Variants in BRINP3 observed in about 807,000 individuals in gnomAD.
BRINP3 encodes the protein BMP/retinoic acid-inducible neural-specific protein 3.
A neutral mutation model predicts 71.0 loss-of-function variants in BRINP3; 19 were observed. The observed-to-expected ratio is 0.27, with a 90% CI of 0.19 to 0.39. BRINP3 has a LOEUF of 0.39. BRINP3 is among the 10% of genes least tolerant of loss of function. The pLI is 1.00. For missense variants in BRINP3, 959 were observed against 940.8 expected, an observed-to-expected ratio of 1.02 and a Z score of -0.25; for synonymous variants, 380 against 337.7, an observed-to-expected ratio of 1.13 and a Z score of -1.37.
chr1:190,231,638 C>T (rs1025744955), intron 5 of BRINP3, among the ~76,000 whole-genome samples: 6 of 151,672 alleles, frequency 4.0e-5, no homozygotes, highest in Non-Finnish European at 5.9e-5. Context: ...TATGCATTTG[C>T]CAATATTTTC....
chr1:190,459,949 CCTGT>C (rs1558306656), intron 1 of BRINP3, among the ~76,000 whole-genome samples: 2 of 151,206 alleles, frequency 1.3e-5, no homozygotes, highest in Non-Finnish European at 3.0e-5. Flanking sequence ...TTTCTCTTTC[CCTGT>C]CTCTCTCCCT....
At position 190,099,134 on chromosome 1, in the gene BRINP3, T is replaced by C. The variant is rs759653868; in HGVS notation, c.1185A>G (p.Arg395=). Residue 395 remains arginine (R), a splice_region_variant and synonymous_variant, in exon 8 of 8, where the codon AGA becomes AGG. Transcript: ENST00000367462. ...KQPLISLPRQ[R]TSTYWLTRIQ... is the part of the protein sequence containing the mutation. ...TGCGAGTAAGCCAGTAGGTTGAGGT[T>C]CTAGAAATACAAAACAGAACGAATC... 4 of 1,611,832 alleles carry C rather than the reference T, an allele frequency of 2.5e-6. No homozygotes were observed. In the African/African-American group the frequency reaches 4.0e-5, roughly 16 times the overall value.
At chr1:190,305,459 C>A (rs562974379) in intron 2 of BRINP3, among the ~76,000 whole-genome samples, 1 of 151,668 alleles carries the variant, frequency 6.6e-6, no homozygotes, top group East Asian at 1.9e-4. Flanking sequence ...TATGAATGAA[C>A]CTGGAGTATA....
chr1:190,300,586 G>A (rs982639568), intron 2 of BRINP3, among the ~76,000 whole-genome samples: 133 of 152,104 alleles, frequency 8.7e-4, no homozygotes, highest in Admixed American at 4.0e-3. Flanking sequence ...ATCTGAGAAC[G>A]GGCAGACTGC....
At chr1:190,400,873 A>G (rs1671875949) in intron 2 of BRINP3, among the ~76,000 whole-genome samples, 1 of 152,196 alleles carries the variant, frequency 6.6e-6, no homozygotes, top group African/African-American at 2.4e-5. Context: ...CAATTCCCTA[A>G]CAACTATTAT....
At chr1:190,454,012 A>G (rs1675824049) in intron 2 of BRINP3, among the ~76,000 whole-genome samples, 1 of 152,242 alleles carries the variant, frequency 6.6e-6, no homozygotes, top group Non-Finnish European at 1.5e-5. Flanking sequence ...ACGGGACATC[A>G]GGTGAACAGG....
chr1:190,176,810 T>C (rs902282558), intron 6 of BRINP3, among the ~76,000 whole-genome samples: 9 of 152,266 alleles, frequency 5.9e-5, no homozygotes, highest in African/African-American at 2.2e-4. Context: ...ATTCTTACTT[T>C]TGCTGCTTGG....
chr1:190,441,597 T>C (rs1674824625), intron 2 of BRINP3, among the ~76,000 whole-genome samples: 1 of 152,134 alleles, frequency 6.6e-6, no homozygotes, highest in Non-Finnish European at 1.5e-5. Context: ...AATGAATACA[T>C]AGGAGCTATT....
intron 2 of BRINP3, among the ~76,000 whole-genome samples, chr1:190,299,534 T>G (rs1664513367): frequency 6.6e-6 from 1 of 151,198 alleles, no homozygotes; most frequent in Non-Finnish European, 1.5e-5. Context: ...CTGCACCCAC[T>G]AACTCGTCAT....
At chr1:190,252,688 T>G (rs1399261784) in intron 4 of BRINP3, among the ~76,000 whole-genome samples, 1 of 152,090 alleles carries the variant, frequency 6.6e-6, no homozygotes, top group Non-Finnish European at 1.5e-5. Flanking sequence ...TACTGAGCTC[T>G]GATTGGAGAG....
At chr1:190,363,721 G>A (rs1571865583) in intron 2 of BRINP3, among the ~76,000 whole-genome samples, 1 of 152,080 alleles carries the variant, frequency 6.6e-6, no homozygotes, top group African/African-American at 2.4e-5. Context: ...GGAGAGTCTG[G>A]GCTAGAGTAA....
chr1:190,449,507 A>G (rs1255907688), intron 2 of BRINP3, among the ~76,000 whole-genome samples: 1 of 152,082 alleles, frequency 6.6e-6, no homozygotes, highest in African/African-American at 2.4e-5. Flanking sequence ...TCTCCCTACT[A>G]TTAACCTCAT....
At chr1:190,371,551 T>A (rs1232133385) in intron 2 of BRINP3, among the ~76,000 whole-genome samples, 1 of 152,200 alleles carries the variant, frequency 6.6e-6, no homozygotes, top group Non-Finnish European at 1.5e-5. Context: ...TTTTATGCCA[T>A]TATCATGATG....
chr1:190,354,938 T>G, intron 2 of BRINP3, among the ~76,000 whole-genome samples: 1 of 151,868 alleles, frequency 6.6e-6, no homozygotes, highest in East Asian at 1.9e-4. Context: ...AATTAATATA[T>G]TTGAGGCTCC....
At chr1:190,317,705 C>T (rs1272067947) in intron 2 of BRINP3, among the ~76,000 whole-genome samples, 2 of 151,984 alleles carry the variant, frequency 1.3e-5, no homozygotes, top group Admixed American at 1.3e-4. Flanking sequence ...TACATCTATG[C>T]CTTTACCCGT....
chr1:190,200,710 A>G (rs1322501223), intron 6 of BRINP3, among the ~76,000 whole-genome samples: 2 of 152,016 alleles, frequency 1.3e-5, no homozygotes, highest in Non-Finnish European at 2.9e-5. Flanking sequence ...TGATTGAATC[A>G]TGGGGCAGAT....
At chr1:190,136,948 C>T (rs1282917231) in intron 7 of BRINP3, among the ~76,000 whole-genome samples, 3 of 151,792 alleles carry the variant, frequency 2.0e-5, no homozygotes, top group South Asian at 2.1e-4. Context: ...ATATAAAATG[C>T]TTATTTAAAA....
intron 2 of BRINP3, among the ~76,000 whole-genome samples, chr1:190,319,850 C>T (rs1049511181): frequency 6.6e-6 from 1 of 152,072 alleles, no homozygotes; most frequent in African/African-American, 2.4e-5. Context: ...GATCCAAATC[C>T]TATCAGCTTC....
intron 2 of BRINP3, among the ~76,000 whole-genome samples, chr1:190,401,159 A>C (rs557535604): frequency 1.3e-5 from 2 of 152,126 alleles, no homozygotes; most frequent in African/African-American, 4.8e-5. Context: ...GTAGTTCGAG[A>C]CCAGGCTGGC....
Sources: gnomAD v4.1 joint callset for allele counts (sites outside exome capture counted in the v4.1 genomes callset) on GRCh38, gnomAD v4.1.1 for gene constraint, MANE v1.5 for transcripts, NCBI Gene and HGNC (gene_info 2026-07-23, HGNC 2026-07-21) for gene names.